Variants in REDIC1 observed in about 807,000 individuals in gnomAD.
REDIC1 encodes regulator of DNA class I crossover intermediates 1, also known as HEI10 Interacting Protein 1.
At chr12:39,907,513 G>A in the REDIC1 span, 1 of 152,050 alleles carries the variant, frequency 6.6e-6, no homozygotes, top group Non-Finnish European at 1.5e-5. Flanking sequence ...AAACCATAAT[G>A]TACCTGATAT....
At chr12:39,692,749 T>A in the REDIC1 span, among the ~76,000 whole-genome samples, 210 of 152,084 alleles carry the variant, frequency 1.4e-3, 2 homozygotes, top group African/African-American at 4.7e-3. Context: ...CTACTTGGAG[T>A]ATTGTTGACA....
At chr12:39,811,392 G>C in the REDIC1 span, among the ~76,000 whole-genome samples, 1 of 151,800 alleles carries the variant, frequency 6.6e-6, no homozygotes, top group Admixed American at 6.6e-5. Context: ...ATAATTGTAA[G>C]CTTAGGTAAT....
chr12:39,762,067 C>G, the REDIC1 span, among the ~76,000 whole-genome samples: 1 of 152,002 alleles, frequency 6.6e-6, no homozygotes, highest in East Asian at 1.9e-4. Flanking sequence ...TATTAAAATA[C>G]AAGACCGTTT....
At chr12:39,713,345 T>C in the REDIC1 span, among the ~76,000 whole-genome samples, 1 of 124,870 alleles carries the variant, frequency 8.0e-6, no homozygotes, top group African/African-American at 2.9e-5. Flanking sequence ...CGTGTATATA[T>C]GTGTATACAC....
At chr12:39,863,980 T>G in the REDIC1 span, among the ~76,000 whole-genome samples, 188 of 152,350 alleles carry the variant, frequency 1.2e-3, no homozygotes, top group African/African-American at 4.2e-3. Flanking sequence ...GAATATACAT[T>G]TTTGTTAAGG....
chr12:39,680,796 ACACT>A, the REDIC1 span, among the ~76,000 whole-genome samples: 30 of 152,126 alleles, frequency 2.0e-4, no homozygotes, highest in African/African-American at 5.5e-4. Context: ...ACTCTCTCAC[ACACT>A]CACACTCCAT....
At chr12:39,898,204 T>C in the REDIC1 span, among the ~76,000 whole-genome samples, 954 of 152,276 alleles carry the variant, frequency 6.3e-3, 7 homozygotes, top group African/African-American at 0.022. Flanking sequence ...ATGGGTTTAA[T>C]GTCTCTTTTT....
chr12:39,774,090 C>A, the REDIC1 span, among the ~76,000 whole-genome samples: 2 of 152,140 alleles, frequency 1.3e-5, no homozygotes, highest in South Asian at 2.1e-4. Context: ...AGAAAGTTAA[C>A]CCTAATAGTT....
the REDIC1 span, among the ~76,000 whole-genome samples, chr12:39,833,802 G>T: frequency 4.0e-5 from 6 of 150,148 alleles, no homozygotes; most frequent in South Asian, 2.1e-4. Flanking sequence ...CCTTGTCTTT[G>T]TTGGGGCTCA....
At chr12:39,656,187 G>A in the REDIC1 span, among the ~76,000 whole-genome samples, 1 of 152,172 alleles carries the variant, frequency 6.6e-6, no homozygotes, top group Non-Finnish European at 1.5e-5. Flanking sequence ...CCAGCATAAT[G>A]TCAGTGTCAT....
the REDIC1 span, among the ~76,000 whole-genome samples, chr12:39,879,664 G>C: frequency 6.6e-6 from 1 of 152,118 alleles, no homozygotes; most frequent in Admixed American, 6.5e-5. Flanking sequence ...TATACCCCCA[G>C]TGTATCTTGG....
At chr12:39,879,661 C>G in the REDIC1 span, among the ~76,000 whole-genome samples, 1 of 152,182 alleles carries the variant, frequency 6.6e-6, no homozygotes, top group Non-Finnish European at 1.5e-5. Context: ...GCCTATACCC[C>G]CAGTGTATCT....
the REDIC1 span, among the ~76,000 whole-genome samples, chr12:39,841,029 G>T: frequency 3.4e-3 from 521 of 152,096 alleles, 3 homozygotes; most frequent in African/African-American, 0.012. Context: ...ACAATTCACG[G>T]CTCTCAGACC....
chr12:39,747,702 A>T, the REDIC1 span, among the ~76,000 whole-genome samples: 4 of 152,248 alleles, frequency 2.6e-5, no homozygotes, highest in Admixed American at 2.6e-4. Flanking sequence ...CCACAAAGGG[A>T]AGCCCATCAG....
the REDIC1 span, among the ~76,000 whole-genome samples, chr12:39,712,985 GTGTATATACGTGTATATGTAT>G: frequency 2.4e-4 from 1 of 4,154 alleles, no homozygotes; most frequent in African/African-American, 6.5e-4. Context: ...ATATATACAT[GTGTATATACGTGTATATGTAT>G]ATATACATGT....
the REDIC1 span, among the ~76,000 whole-genome samples, chr12:39,718,383 G>T: frequency 4.0e-3 from 603 of 152,160 alleles, 4 homozygotes; most frequent in African/African-American, 0.014. Flanking sequence ...ACTTTAAAAG[G>T]CAGTCCCTTA....
At chr12:39,878,833 T>C in the REDIC1 span, among the ~76,000 whole-genome samples, 3 of 152,340 alleles carry the variant, frequency 2.0e-5, no homozygotes, top group Non-Finnish European at 2.9e-5. Context: ...CAGGTGCTAA[T>C]AGCCAAGACT....
chr12:39,723,935 G>A, the REDIC1 span, among the ~76,000 whole-genome samples: 3 of 152,006 alleles, frequency 2.0e-5, no homozygotes, highest in Non-Finnish European at 2.9e-5. Flanking sequence ...ATTTTCCTCC[G>A]TGACAATATA....
chr12:39,722,191 CT>C, the REDIC1 span, among the ~76,000 whole-genome samples: 3 of 152,012 alleles, frequency 2.0e-5, no homozygotes, highest in Admixed American at 2.0e-4. Flanking sequence ...ACTCAAGAGT[CT>C]GTGTTGCAGA....
Sources: gnomAD v4.1 joint callset for allele counts (sites outside exome capture counted in the v4.1 genomes callset) on GRCh38, gnomAD v4.1.1 for gene constraint, MANE v1.5 for transcripts, NCBI Gene and HGNC (gene_info 2026-07-23, HGNC 2026-07-21) for gene names.